Variants in CACFD1 observed in about 807,000 individuals in gnomAD.
CACFD1 encodes the protein calcium channel flower homolog.
CACFD1 carries 26 observed loss-of-function variants against 21.3 expected under a neutral mutation model. That is an observed-to-expected ratio of 1.22 (90% confidence interval 0.89 to 1.69). The LOEUF is 1.69. Ranked by LOEUF, CACFD1 falls within the 40% of genes most tolerant of loss-of-function variation. The probability of loss-of-function intolerance (pLI) is 0.00; values close to 1 mark genes in which losing one functional copy is unlikely to be tolerated. For synonymous variants in CACFD1, 121 were observed against 106.6 expected, an observed-to-expected ratio of 1.13 and a Z score of -0.83; for missense variants, 265 against 236.2, an observed-to-expected ratio of 1.12 and a Z score of -0.80.
In CACFD1 at chr9:133,468,546, C is replaced by CCT. The variant is rs781886109; in HGVS notation, c.429-7_429-6dup. On this transcript the variant is annotated splice_polypyrimidine_tract_variant and intron_variant, in intron 4 of 4. Transcript: ENST00000316948. Reference sequence around the variant, plus strand: ...GGGGCTGGTGCTCCACGTGACGCTGCCTCTCTCTCTCCCCAGGGGCGATGC... The same window carrying CCT: ...GGGGCTGGTGCTCCACGTGACGCTGCCTCTCTCTCTCTCCCCAGGGGCGATGC... 16 of 1,564,978 alleles carry CCT rather than the reference C, an allele frequency of 1.0e-5. No homozygotes were observed. Among genetic ancestry groups the CCT allele is most frequent in the Non-Finnish European group, 1.3e-5 (15 of 1,156,872 alleles).
In CACFD1 at chr9:133,465,268, C is replaced by G. The variant is rs1257909884; in HGVS notation, c.195-54C>G. The G allele has an allele frequency of 5.0e-6, 8 of 1,608,042 alleles. No individual in the cohort carries two copies. Among genetic ancestry groups the G allele is most frequent in the East Asian group, 4.5e-5 (2 of 44,856 alleles). ...TATGGCACTGGCACTGGGGGCCGCC[C>G]TCATCCTCCTGGGATTGTCAGTCGC... is the stretch of plus-strand genomic sequence containing the variant. On this transcript the variant is annotated intron_variant, in intron 2 of 4. Coordinates refer to ENST00000316948, the MANE Select transcript of CACFD1 (RefSeq NM_017586.5). The surrounding 1 kb of genome is among the most constrained non-coding windows in gnomAD (Gnocchi z 5.0).
chr9:133,468,232 C>T (rs1843522284), intron 4 of CACFD1: 1 of 1,355,834 alleles, frequency 7.4e-7, no homozygotes, highest in Non-Finnish European at 9.9e-7. Context: ...CCAGTCTTGC[C>T]CCGTCACGGC....
At chr9:133,460,294 G>A in intron 1 of CACFD1, 107 bp downstream of exon 1, 2 of 1,060,758 alleles carry the variant, frequency 1.9e-6, no homozygotes, top group Non-Finnish European at 2.5e-6. Flanking sequence ...CCCGCTGGGG[G>A]TCGGGGGTCT....
Position 133,463,504 on chromosome 9 carries a change from T to C in CACFD1, c.143T>C (p.Phe48Ser), listed in dbSNP as rs1554798913. The change falls in exon 2 of 5, where the codon TTC becomes TCC. Residue 48 changes from phenylalanine to serine, a missense_variant. Transcript: ENST00000316948. ...CAAGCTTGCGCGATCTCTGGCCTCT[T>C]CAACTGCATCACCATCCACCCTCTG... ...GAVSCAISGL[F>S]NCITIHPLNI... is the part of the protein sequence containing the mutation. 5.0e-6 allele frequency: 8 copies of C among 1,614,148 alleles called. 1 individual carries two copies. In the Middle Eastern group the frequency reaches 4.9e-4, roughly 100 times the overall value.
Position 133,465,538 on chromosome 9 carries a change from G to GAATA in CACFD1, c.320+91_320+92insAATA. 1 of 1,285,458 alleles carries GAATA rather than the reference G, an allele frequency of 7.8e-7. No individual in the cohort carries two copies. The highest frequency in any genetic ancestry group is 2.3e-5 in the East Asian group (1 of 43,156). The allele number at this position is 1,285,458 out of a possible 1,614,324, so 79.6% of individuals were successfully genotyped here. A position where few individuals can be genotyped will look rare whatever the true frequency, so the allele number is the denominator to read the frequency against. On this transcript the variant is annotated intron_variant, in intron 3 of 4. Coordinates refer to ENST00000316948, the MANE Select transcript of CACFD1 (RefSeq NM_017586.5). This position sits in a 1 kb window ranked among gnomAD's most constrained non-coding sequence, Gnocchi z 5.0. ...CAAAAGTCAGGTGAGGGTGGGCAGT[G>GAATA]TATTCAGTTCCTCTCTGTGGAAGTG...
intron 1 of CACFD1, among the ~76,000 whole-genome samples, chr9:133,460,491 C>CGGGGGGGCG (rs1554798216): frequency 9.6e-6 from 1 of 103,712 alleles, no homozygotes; most frequent in South Asian, 3.4e-4. Context: ...GGGGGTGGGG[C>CGGGGGGGCG]ACCGGCCTGG....
At position 133,460,007 on chromosome 9, in the gene CACFD1, G is replaced by GA; in HGVS notation, c.-60_-59insA. 6.8e-7 allele frequency: 1 copy of GA among 1,467,840 alleles called. No individual in the cohort carries two copies. Among genetic ancestry groups the GA allele is most frequent in the Non-Finnish European group, 9.0e-7 (1 of 1,111,282 alleles). 90.9% of individuals were successfully genotyped at this position (1,467,840 alleles called of 1,614,324 possible). A position where few individuals can be genotyped will look rare whatever the true frequency, so the allele number is the denominator to read the frequency against. On this transcript the variant is annotated 5_prime_UTR_variant, in exon 1 of 5. Coordinates refer to ENST00000316948, the MANE Select transcript of CACFD1 (RefSeq NM_017586.5). ...CTCCCACAAGGCAGCGCGCCGGCTC[G>GA]GACGCGGCCGGCTACCGAGCCCTTT... is the stretch of plus-strand genomic sequence containing the variant.
At chr9:133,462,063 C>T in intron 1 of CACFD1, 1 of 1,297,578 alleles carries the variant, frequency 7.7e-7, no homozygotes, top group Non-Finnish European at 1.0e-6. Flanking sequence ...TGGACATCCT[C>T]CAGCCCTTTA....
chr9:133,460,047 C>T lies in CACFD1; in HGVS notation c.-20C>T. On this transcript the variant is annotated 5_prime_UTR_variant, in exon 1 of 5. Coordinates refer to ENST00000316948, the MANE Select transcript of CACFD1 (RefSeq NM_017586.5). ...CCGAGCCCTTTGTGAGGGCTGTGAG[C>T]TGCGCCTGACGGTGGCACCATGAGC... The T allele has an allele frequency of 6.5e-7, 1 of 1,546,844 alleles. No individual in the cohort carries two copies. Among genetic ancestry groups the T allele is most frequent in the Non-Finnish European group, 8.7e-7 (1 of 1,147,346 alleles).
chr9:133,460,564 T>C (rs782048855), intron 1 of CACFD1, among the ~76,000 whole-genome samples: 8 of 139,024 alleles, frequency 5.8e-5, no homozygotes, highest in Non-Finnish European at 9.8e-5. Context: ...TCGGTGATGC[T>C]CACGGGGCGC....
intron 1 of CACFD1, chr9:133,462,222 G>A: frequency 7.7e-7 from 1 of 1,304,276 alleles, no homozygotes; most frequent in Non-Finnish European, 1.0e-6. Flanking sequence ...GCTGTCAGGT[G>A]AGGCCAGGCA....
At chr9:133,463,613 C>G in intron 2 of CACFD1, 58 bp downstream of exon 2, 1 of 1,569,234 alleles carries the variant, frequency 6.4e-7, no homozygotes, top group African/African-American at 1.3e-5. Context: ...ATCTGCTGGG[C>G]ACCTCCCGGG....
Position 133,460,174 on chromosome 9 carries a change from GC to G in CACFD1, c.109del (p.Leu37TrpfsTer20). On this transcript the variant is annotated frameshift_variant, in exon 1 of 5. Transcript: ENST00000316948. LOFTEE classifies it high-confidence loss of function. ...YRWLCRLSGV[L>X]GAVSCAISGL... Reference sequence around the variant, plus strand: ...GCTGGCTGTGTCGCCTGTCTGGGGTGCTGGGGGCAGTCTGTGAGTATCCAGT... The same window carrying G: ...GCTGGCTGTGTCGCCTGTCTGGGGTGTGGGGGCAGTCTGTGAGTATCCAGT... 3 of 1,554,308 alleles carry G rather than the reference GC, an allele frequency of 1.9e-6. No individual in the cohort carries two copies. The highest frequency in any genetic ancestry group is 2.6e-6 in the Non-Finnish European group (3 of 1,149,640).
Position 133,465,830 on chromosome 9 carries a change from T to G in CACFD1, c.320+383T>G, listed in dbSNP as rs587738995. 5.7e-6 allele frequency: 1 copy of G among 176,436 alleles called. No individual in the cohort carries two copies. Among genetic ancestry groups the G allele is most frequent in the East Asian group, 1.6e-4 (1 of 6,092 alleles). 10.9% of individuals were successfully genotyped at this position (176,436 alleles called of 1,614,324 possible). ...AGCCTTTCCGAAGAGTGGGTTCATC[T>G]AGATGTCCTGACGTGAAGGGGGAGA... On this transcript the variant is annotated intron_variant, in intron 3 of 4. Transcript: ENST00000316948. The surrounding 1 kb of genome is among the most constrained non-coding windows in gnomAD (Gnocchi z 5.0).
chr9:133,467,963 G>A lies in CACFD1; in HGVS notation c.363G>A (p.Thr121=), dbSNP rs781977240. The A allele has an allele frequency of 4.3e-6, 7 of 1,613,696 alleles. No individual in the cohort carries two copies. The highest frequency in any genetic ancestry group is 1.7e-4 in the Middle Eastern group (1 of 5,998). The change falls in exon 4 of 5, where the codon ACG becomes ACA. Residue 121 remains threonine (T), a synonymous_variant. Transcript: ENST00000316948. ...TCGTCATCAGCCTGACCCTGACCAC[G>A]CTGCTGGGCAACGCCATCGCCTTTG... The part of the protein sequence containing the change: ...VPIVISLTLT[T]LLGNAIAFAT...
chr9:133,462,326 T>C, intron 1 of CACFD1: 1 of 1,287,092 alleles, frequency 7.8e-7, no homozygotes, highest in South Asian at 1.2e-5. Flanking sequence ...CCTTGCTGTC[T>C]GAAGGCAGAT....
intron 1 of CACFD1, chr9:133,462,199 G>A (rs953986313): frequency 7.7e-7 from 1 of 1,304,280 alleles, no homozygotes; most frequent in Admixed American, 2.3e-5. Flanking sequence ...ACTGCAGCAG[G>A]AAGCACAGCC....
intron 3 of CACFD1, among the ~76,000 whole-genome samples, chr9:133,466,817 G>A (rs1001060426): frequency 3.3e-5 from 5 of 149,930 alleles, no homozygotes; most frequent in African/African-American, 1.2e-4. Context: ...ATTTTCCCAC[G>A]TGTTTCCATT....
intron 3 of CACFD1, among the ~76,000 whole-genome samples, chr9:133,466,238 T>C (rs946922417): frequency 4.6e-5 from 7 of 152,210 alleles, no homozygotes; most frequent in Admixed American, 3.3e-4. Context: ...GTCATGTCCT[T>C]AGGGGTTCAA....
Sources: allele counts gnomAD v4.1 joint callset (sites outside exome capture counted in the v4.1 genomes callset), GRCh38; gene constraint gnomAD v4.1.1; non-coding constraint Gnocchi (gnomAD v3.1); transcripts MANE v1.5; gene names NCBI Gene and HGNC (gene_info 2026-07-23, HGNC 2026-07-21).